The following WDR75 variants were observed in gnomAD, a reference collection of about 807,000 sequenced individuals.
WDR75 encodes the protein WD repeat-containing protein 75.
A neutral mutation model predicts 106.1 loss-of-function variants in WDR75; 52 were observed. That is an observed-to-expected ratio of 0.49 (90% CI 0.39 to 0.62). The LOEUF is 0.62. Among genes scored for constraint, WDR75 ranks in the 20% least tolerant of loss-of-function variants. WDR75 has a pLI of 0.00. For missense variants in WDR75, 905 were observed against 970.3 expected (o/e 0.93, Z 0.89); for synonymous variants, 333 against 335.5 (o/e 0.99, Z 0.08).
At position 189,451,991 on chromosome 2, in the gene WDR75, A is replaced by C. The variant is rs984003389; in HGVS notation, c.373+96A>C. 1.3e-5 allele frequency: 13 copies of C among 970,112 alleles called. No homozygotes were observed. The Admixed American group carries it at 3.1e-4, about 23-fold the overall frequency. 60.1% of individuals were successfully genotyped at this position (970,112 alleles called of 1,614,324 possible). A position where few individuals can be genotyped will look rare whatever the true frequency, so the allele number is the denominator to read the frequency against. ...ACATTTTGGTTTTAATCTGAAGCCAACAGTTTTTAGAATGGGCATTTAAAT... is the reference window on the plus strand; with the variant it reads ...ACATTTTGGTTTTAATCTGAAGCCACCAGTTTTTAGAATGGGCATTTAAAT... On this transcript the variant is annotated intron_variant, in intron 4 of 20. Transcript: ENST00000314761.
intron 9 of WDR75, 70 bp from the exon 10 acceptor site, chr2:189,463,624 C>T: frequency 6.6e-7 from 1 of 1,517,434 alleles, no homozygotes; most frequent in Non-Finnish European, 9.1e-7. Context: ...AAAAGCCACC[C>T]TGAGCCACAG....
At chr2:189,443,216 TAAG>T (rs1453292509) in intron 1 of WDR75, among the ~76,000 whole-genome samples, 1 of 152,192 alleles carries the variant, frequency 6.6e-6, no homozygotes, top group Non-Finnish European at 1.5e-5. Flanking sequence ...CTTCCCAAAC[TAAG>T]AAGGACGGAG....
intron 8 of WDR75, among the ~76,000 whole-genome samples, chr2:189,462,100 A>G (rs947513489): frequency 6.6e-6 from 1 of 152,134 alleles, no homozygotes; most frequent in African/African-American, 2.4e-5. Context: ...TCATTGGTAT[A>G]GTATTTTGCT....
chr2:189,454,163 A>G (rs1686685054), intron 4 of WDR75, among the ~76,000 whole-genome samples: 1 of 152,162 alleles, frequency 6.6e-6, no homozygotes, highest in African/African-American at 2.4e-5. Flanking sequence ...TGAGAGGAAG[A>G]AGGGCTGTGC....
intron 12 of WDR75, among the ~76,000 whole-genome samples, 199 bp from the exon 13 acceptor site, chr2:189,466,226 C>T (rs943798058): frequency 6.6e-6 from 1 of 152,104 alleles, no homozygotes; most frequent in Non-Finnish European, 1.5e-5. Context: ...TAAAGTCACA[C>T]AAGGGCAAAG....
intron 1 of WDR75, among the ~76,000 whole-genome samples, chr2:189,445,407 C>T (rs546728740): frequency 2.6e-5 from 4 of 152,116 alleles, no homozygotes; most frequent in African/African-American, 7.2e-5. Flanking sequence ...CTAAGCCCAC[C>T]GTCGTGTAGA....
intron 18 of WDR75, among the ~76,000 whole-genome samples, chr2:189,471,146 A>G (rs1478628689): frequency 6.6e-6 from 1 of 152,174 alleles, no homozygotes; most frequent in Non-Finnish European, 1.5e-5. Context: ...CACCACTACC[A>G]TTACCCACAA....
At chr2:189,454,797 A>G (rs981897715) in intron 4 of WDR75, among the ~76,000 whole-genome samples, 6 of 151,986 alleles carry the variant, frequency 3.9e-5, no homozygotes, top group African/African-American at 1.5e-4. Flanking sequence ...TTGTATTTCT[A>G]TATATTTGGG....
chr2:189,474,555 AG>A (rs1687175380), intron 19 of WDR75, among the ~76,000 whole-genome samples, 161 bp from the exon 20 acceptor site: 1 of 152,196 alleles, frequency 6.6e-6, no homozygotes, highest in Non-Finnish European at 1.5e-5. Context: ...GTAGGAAGGT[AG>A]AAATGTATTT....
intron 1 of WDR75, 146 bp from the exon 2 acceptor site, chr2:189,448,233 C>T: frequency 1.3e-6 from 1 of 770,576 alleles, no homozygotes; most frequent in Non-Finnish European, 1.9e-6. Context: ...CCTGTAATCT[C>T]AGCATTTTGG....
At chr2:189,465,003 C>G in intron 11 of WDR75, 76 bp from the exon 12 acceptor site, 1 of 1,116,808 alleles carries the variant, frequency 9.0e-7, no homozygotes, top group South Asian at 1.7e-5. Context: ...AGTTAATTAT[C>G]ATTTCTTGAA....
chr2:189,462,775 A>G (rs572873300), intron 9 of WDR75, 133 bp downstream of exon 9: 2 of 789,184 alleles, frequency 2.5e-6, no homozygotes, highest in Non-Finnish European at 3.8e-6. Context: ...TTTTCCTTGC[A>G]TTACTCCTCT....
chr2:189,443,683 TG>T lies in WDR75; in HGVS notation c.86+2107del, dbSNP rs150010161. Among the ~76,000 whole-genome samples the T allele has an allele frequency of 9.0e-3, 1,373 of 152,182 alleles. 68 individuals are homozygous for T. The highest frequency in any genetic ancestry group is 0.07 in the Admixed American group (1,071 of 15,294). On this transcript the variant is annotated intron_variant, in intron 1 of 20. Coordinates refer to ENST00000314761, the MANE Select transcript of WDR75 (RefSeq NM_032168.3). ...CCTTCAGTAGTGGTTCTTGCAGCAA[TG>T]GCAAGAGTTTGCCTCACCAGTAATA... is the stretch of plus-strand genomic sequence containing the variant.
At chr2:189,450,236 C>T (rs1431684434) in intron 2 of WDR75, 1 of 985,332 alleles carries the variant, frequency 1.0e-6, no homozygotes, top group Non-Finnish European at 1.2e-6. Flanking sequence ...TCTTCAGTCA[C>T]TTGAGAAGCA....
Position 189,474,928 on chromosome 2 carries a change from A to G in WDR75, c.2288+120A>G, listed in dbSNP as rs563634259. The G allele has an allele frequency of 2.1e-5, 18 of 864,818 alleles. No homozygotes were observed. The African/African-American group carries it at 2.6e-4, about 12-fold the overall frequency. The allele number at this position is 864,818 out of a possible 1,614,324, so 53.6% of individuals were successfully genotyped here. Reference sequence around the variant, plus strand: ...CTTTTTATTTCATAAGTTTTAAAATAGATTTAAAGGCTATAGGATTATTAA... The same window carrying G: ...CTTTTTATTTCATAAGTTTTAAAATGGATTTAAAGGCTATAGGATTATTAA... On this transcript the variant is annotated intron_variant, in intron 20 of 20. Transcript: ENST00000314761.
intron 19 of WDR75, 39 bp downstream of exon 19, chr2:189,474,371 C>T: frequency 1.3e-6 from 2 of 1,571,978 alleles, no homozygotes; most frequent in Non-Finnish European, 1.7e-6. Context: ...AGATTAAATG[C>T]ACTTAAAGCA....
At position 189,475,463 on chromosome 2, in the gene WDR75, ATGTT is replaced by A; in HGVS notation, c.*47_*50del. On this transcript the variant is annotated 3_prime_UTR_variant, in exon 21 of 21. Transcript: ENST00000314761. The stretch of plus-strand genomic sequence containing the variant: ...CCTTGGACTTTGTGTTTTTGATTGT[ATGTT>A]GATATTCTAAAAACATCTATTTTAA... 1 of 1,135,882 alleles carries A rather than the reference ATGTT, an allele frequency of 8.8e-7. No homozygotes were observed. The highest frequency in any genetic ancestry group is 1.3e-6 in the Non-Finnish European group (1 of 790,964). The allele number at this position is 1,135,882 out of a possible 1,614,324, so 70.4% of individuals were successfully genotyped here. A position where few individuals can be genotyped will look rare whatever the true frequency, so the allele number is the denominator to read the frequency against.
At chr2:189,468,952 A>G (rs1038739035) in intron 15 of WDR75, among the ~76,000 whole-genome samples, 2 of 152,162 alleles carry the variant, frequency 1.3e-5, no homozygotes, top group African/African-American at 2.4e-5. Flanking sequence ...GTCCTAACAA[A>G]TGTGAACTTA....
chr2:189,465,202 A>C lies in WDR75; in HGVS notation c.1237A>C (p.Thr413Pro), dbSNP rs1487174200. The stretch of plus-strand genomic sequence containing the variant: ...AGTGGAACAGCGGCAAGAAAAGGAA[A>C]CTGAGCTTGAATTGCAAATGAAACT... ...ATVEQRQEKE[T>P]ELELQMKLWM... Residue 413 changes from threonine (T) to proline (P), a missense_variant, in exon 12 of 21, where the codon ACT becomes CCT. Physicochemically the swap from Thr to Pro is conservative, Grantham distance 38. Coordinates refer to ENST00000314761, the MANE Select transcript of WDR75 (RefSeq NM_032168.3). 1 of 1,613,216 alleles carries C rather than the reference A, an allele frequency of 6.2e-7. No individual in the cohort carries two copies. Among genetic ancestry groups the C allele is most frequent in the Admixed American group, 1.7e-5 (1 of 59,954 alleles).
Sources: gnomAD v4.1 joint callset for allele counts (sites outside exome capture counted in the v4.1 genomes callset) on GRCh38, gnomAD v4.1.1 for gene constraint, MANE v1.5 for transcripts, NCBI Gene and HGNC (gene_info 2026-07-23, HGNC 2026-07-21) for gene names.